The following STK10 variants were observed in gnomAD, a reference collection of about 807,000 sequenced individuals.
STK10 encodes serine/threonine kinase 10.
STK10 carries 78 observed loss-of-function variants against 113.8 expected under a neutral mutation model. That is an observed-to-expected ratio of 0.69 (90% CI 0.57 to 0.83). The LOEUF is 0.83. Among genes scored for constraint, STK10 ranks in the 40% least tolerant of loss-of-function variants. The probability of loss-of-function intolerance (pLI) is 0.00; values close to 1 mark genes in which losing one functional copy is unlikely to be tolerated. For synonymous variants in STK10, 465 were observed against 494.7 expected, an observed-to-expected ratio of 0.94 and a Z score of 0.80; for missense variants, 1,109 against 1,280.1, an observed-to-expected ratio of 0.87 and a Z score of 2.04.
chr5:172,091,924 TCTTGACCC>T (rs1384950170), intron 9 of STK10, among the ~76,000 whole-genome samples: 1 of 152,184 alleles, frequency 6.6e-6, no homozygotes, highest in Non-Finnish European at 1.5e-5. Context: ...GTGGCAGGTC[TCTTGACCC>T]CTTGAAATCT....
At chr5:172,172,503 G>A (rs1317647237) in intron 1 of STK10, among the ~76,000 whole-genome samples, 1 of 152,222 alleles carries the variant, frequency 6.6e-6, no homozygotes, top group Non-Finnish European at 1.5e-5. Flanking sequence ...TGTGTCCTTG[G>A]CACTGGCCTC....
chr5:172,168,145 C>T (rs891836475), intron 1 of STK10, among the ~76,000 whole-genome samples: 4 of 152,126 alleles, frequency 2.6e-5, no homozygotes, highest in African/African-American at 9.7e-5. Flanking sequence ...TCTGGACGGC[C>T]GTGCCAGGCA....
intron 15 of STK10, among the ~76,000 whole-genome samples, chr5:172,056,589 C>T (rs1767765126): frequency 1.3e-5 from 2 of 152,078 alleles, no homozygotes; most frequent in South Asian, 4.1e-4. Flanking sequence ...ACACACCGGG[C>T]AGGCACAGTG....
In STK10 at chr5:172,100,985, C is replaced by T. The variant is rs1213479361; in HGVS notation, c.871-4425G>A. Among the ~76,000 whole-genome samples the T allele has an allele frequency of 2.6e-5, 4 of 152,106 alleles. No individual in the cohort carries two copies. In the East Asian group the frequency reaches 5.8e-4, roughly 22 times the overall value. The stretch of plus-strand genomic sequence containing the variant: ...CAGGATCAGAACCCAGCTCTGTGGC[C>T]TACAGGCTGTGTGACTTTGTGCCAG... On this transcript the variant is annotated intron_variant, in intron 7 of 18. Transcript: ENST00000176763.
intron 4 of STK10, chr5:172,114,461 A>G (rs1019791939): frequency 2.4e-4 from 7 of 29,674 alleles, no homozygotes; most frequent in African/African-American, 8.9e-4. Flanking sequence ...ATATATATAT[A>G]TATATATATA....
At chr5:172,080,584 TG>T (rs1472452919) in intron 12 of STK10, among the ~76,000 whole-genome samples, 12 of 152,258 alleles carry the variant, frequency 7.9e-5, no homozygotes, top group African/African-American at 2.7e-4. Context: ...TTGAGTGGTC[TG>T]GGTAGAAGAT....
At chr5:172,086,275 T>C (rs1237555265) in intron 10 of STK10, among the ~76,000 whole-genome samples, 1 of 152,148 alleles carries the variant, frequency 6.6e-6, no homozygotes, top group Non-Finnish European at 1.5e-5. Context: ...CAGAGGCGCT[T>C]TCTACAGCCA....
rs1770965085 is a variant in STK10 at position 172,187,060 on chromosome 5, C to G, written c.156+827G>C. Among the ~76,000 whole-genome samples the G allele has an allele frequency of 6.6e-6, 1 of 152,136 alleles. No individual in the cohort carries two copies. Among genetic ancestry groups the G allele is most frequent in the Non-Finnish European group, 1.5e-5 (1 of 68,034 alleles). The stretch of plus-strand genomic sequence containing the variant: ...TCTTAGGGGAAAGGGGGGAGTCAAG[C>G]TGTAGGTGTTGGCTCCCTAAAACAA... On this transcript the variant is annotated intron_variant, in intron 1 of 18. Transcript: ENST00000176763. This position sits in a 1 kb window ranked among gnomAD's most constrained non-coding sequence, Gnocchi z 4.6.
chr5:172,116,869 AAAC>A (rs528532126), intron 4 of STK10, among the ~76,000 whole-genome samples: 12 of 151,874 alleles, frequency 7.9e-5, no homozygotes, highest in Non-Finnish European at 1.8e-4. Flanking sequence ...CTCTGTCCAA[AAAC>A]AACAACAAAA....
Position 172,093,286 on chromosome 5 carries a change from C to T in STK10, c.1554+126G>A. 1 of 1,042,248 alleles carries T rather than the reference C, an allele frequency of 9.6e-7. No individual in the cohort carries two copies. Among genetic ancestry groups the T allele is most frequent in the East Asian group, 2.5e-5 (1 of 40,714 alleles). 64.6% of individuals were successfully genotyped at this position (1,042,248 alleles called of 1,614,324 possible). On this transcript the variant is annotated intron_variant, in intron 9 of 18. Coordinates refer to ENST00000176763, the MANE Select transcript of STK10 (RefSeq NM_005990.4). The surrounding 1 kb of genome is among the most constrained non-coding windows in gnomAD (Gnocchi z 4.1). The stretch of plus-strand genomic sequence containing the variant: ...TTGGAGATTAAACTATGAGTCAAAC[C>T]CAAAACCCCCTAATGAACCACTTAA...
intron 2 of STK10, among the ~76,000 whole-genome samples, chr5:172,149,730 T>C (rs931245840): frequency 5.9e-5 from 9 of 151,944 alleles, no homozygotes; most frequent in Admixed American, 3.3e-4. Flanking sequence ...AGGGCCAGGA[T>C]AAAATGGGCA....
Position 172,044,835 on chromosome 5 carries a change from A to T in STK10, c.*47T>A, listed in dbSNP as rs1561784483. ...TACATGTTCACAGAGAATGAAGGAG[A>T]AGGCCCTGGGGCCCACCAAGCTGCC... On this transcript the variant is annotated 3_prime_UTR_variant, in exon 19 of 19. Coordinates refer to ENST00000176763, the MANE Select transcript of STK10 (RefSeq NM_005990.4). The surrounding 1 kb of genome is among the most constrained non-coding windows in gnomAD (Gnocchi z 4.5). 1 of 1,613,582 alleles carries T rather than the reference A, an allele frequency of 6.2e-7. No homozygotes were observed. Among genetic ancestry groups the T allele is most frequent in the Non-Finnish European group, 8.5e-7 (1 of 1,179,920 alleles).
At chr5:172,170,336 C>A (rs1206044888) in intron 1 of STK10, among the ~76,000 whole-genome samples, 2 of 152,118 alleles carry the variant, frequency 1.3e-5, no homozygotes, top group East Asian at 3.9e-4. Flanking sequence ...CTTTACCTTG[C>A]AGGAGCCAAA....
At chr5:172,083,925 G>GAAAAAAAAAAAAAAAAAA (rs58326550) in intron 10 of STK10, among the ~76,000 whole-genome samples, 1 of 85,760 alleles carries the variant, frequency 1.2e-5, no homozygotes, top group Non-Finnish European at 2.6e-5. Context: ...ACAAAAAAAA[G>GAAAAAAAAAAAAAAAAAA]AAAAAAAAAA....
chr5:172,174,829 T>C (rs1770731606), intron 1 of STK10, among the ~76,000 whole-genome samples: 1 of 152,024 alleles, frequency 6.6e-6, no homozygotes, highest in South Asian at 2.1e-4. Context: ...GAGCTGCGCT[T>C]CCCTCAGCTC....
intron 1 of STK10, among the ~76,000 whole-genome samples, chr5:172,166,442 G>A (rs1324591387): frequency 1.3e-5 from 2 of 152,120 alleles, no homozygotes; most frequent in Non-Finnish European, 2.9e-5. Flanking sequence ...ATCTAGAGGA[G>A]TGCCTCACCA....
chr5:172,086,693 A>G (rs1195570619), intron 10 of STK10, among the ~76,000 whole-genome samples: 1 of 152,248 alleles, frequency 6.6e-6, no homozygotes, highest in African/African-American at 2.4e-5. Context: ...CTGGGCCAGC[A>G]GGGGATGATC....
At chr5:172,123,756 T>C (rs889239148) in intron 3 of STK10, among the ~76,000 whole-genome samples, 27 of 151,990 alleles carry the variant, frequency 1.8e-4, no homozygotes, top group African/African-American at 6.0e-4. Flanking sequence ...GGATGGGTGG[T>C]TATTCTACCC....
At chr5:172,169,317 G>A (rs1770624244) in intron 1 of STK10, among the ~76,000 whole-genome samples, 1 of 152,180 alleles carries the variant, frequency 6.6e-6, no homozygotes, top group Admixed American at 6.5e-5. Context: ...TACAGAGCCT[G>A]GCACAGAAGA....
Sources: allele counts gnomAD v4.1 joint callset (sites outside exome capture counted in the v4.1 genomes callset), GRCh38; gene constraint gnomAD v4.1.1; non-coding constraint Gnocchi (gnomAD v3.1); transcripts MANE v1.5; gene names NCBI Gene and HGNC (gene_info 2026-07-23, HGNC 2026-07-21).